OXSR1: variants seen among roughly 807,000 people sequenced by gnomAD.
OXSR1 encodes oxidative stress responsive kinase 1.
OXSR1 carries 24 observed loss-of-function variants against 79.8 expected under a neutral mutation model. The ratio of observed to expected loss-of-function variants is 0.30; its 90% confidence interval spans 0.22 to 0.42. The LOEUF is 0.42. OXSR1 is among the 10% of genes least tolerant of loss of function. The pLI is 1.00. For missense variants in OXSR1, 430 were observed against 618.4 expected, an observed-to-expected ratio of 0.70 and a Z score of 3.23; for synonymous variants, 226 against 209.2, an observed-to-expected ratio of 1.08 and a Z score of -0.69.
At chr3:38,245,476 A>G (rs974207647) in intron 12 of OXSR1, among the ~76,000 whole-genome samples, 6 of 152,226 alleles carry the variant, frequency 3.9e-5, no homozygotes, top group Non-Finnish European at 8.8e-5. Context: ...TTTGTAAGAA[A>G]TACAAAGTCC....
intron 12 of OXSR1, among the ~76,000 whole-genome samples, chr3:38,244,670 T>C (rs704958): frequency 0.89 from 132,573 of 149,714 alleles, 59,110 homozygotes; most frequent in South Asian, 0.94. Flanking sequence ...TGTGTGTGCG[T>C]GCGCATGTAC....
intron 1 of OXSR1, among the ~76,000 whole-genome samples, chr3:38,178,624 T>A (rs56971316): frequency 0.19 from 17,615 of 90,838 alleles, 738 homozygotes; most frequent in African/African-American, 0.23. Context: ...ATATATATTT[T>A]TTTTTTTTTT....
chr3:38,247,784 T>C (rs34990724), intron 14 of OXSR1, 52 bp downstream of exon 14: 62,586 of 1,158,488 alleles, frequency 0.054, 2,001 homozygotes, highest in Middle Eastern at 0.11. Context: ...ATATTCTGCA[T>C]GTGCTGTAAT....
At position 38,242,767 on chromosome 3, in the gene OXSR1, T is replaced by A. The variant is rs917553702; in HGVS notation, c.1099T>A (p.Ser367Thr). The A allele has an allele frequency of 1.8e-5, 28 of 1,557,138 alleles. No homozygotes were observed. The highest frequency in any genetic ancestry group is 2.5e-5 in the Non-Finnish European group (28 of 1,137,600). Reference protein sequence around the residue: ...LRSPRVKESISNSELFPTTDP... With the variant: ...LRSPRVKESITNSELFPTTDP... ...GTCTCCCCGAGTGAAAGAATCAATA[T>A]CAAATTCTGAGGTAAGTAATTGTGA... The change falls in exon 12 of 18, where the codon TCA becomes ACA. Residue 367 changes from serine to threonine, a missense_variant. Around this residue, in one of 3 missense-constraint regions of OXSR1, gnomAD observed 276 missense variants for 354.2 expected, o/e 0.78. Coordinates refer to ENST00000311806, the MANE Select transcript of OXSR1 (RefSeq NM_005109.3).
chr3:38,252,739 T>C (rs1575380929), intron 17 of OXSR1, 78 bp from the exon 18 acceptor site: 1 of 1,142,636 alleles, frequency 8.8e-7, no homozygotes, highest in Non-Finnish European at 1.3e-6. Context: ...ACCTTCCCAC[T>C]ATCCCATGTC....
At chr3:38,217,430 C>T (rs899655437) in intron 5 of OXSR1, among the ~76,000 whole-genome samples, 4 of 152,164 alleles carry the variant, frequency 2.6e-5, no homozygotes, top group Non-Finnish European at 5.9e-5. Flanking sequence ...CCACAGTGTT[C>T]ATAGTCATTA....
At chr3:38,168,707 T>G (rs112496173) in intron 1 of OXSR1, among the ~76,000 whole-genome samples, 12 of 152,196 alleles carry the variant, frequency 7.9e-5, no homozygotes, top group African/African-American at 2.9e-4. Context: ...CAATCACAAA[T>G]ATACTTTCTG....
At position 38,190,756 on chromosome 3, in the gene OXSR1, G is replaced by A. The variant is rs1259331334; in HGVS notation, c.209G>A (p.Cys70Tyr). 1 of 1,597,974 alleles carries A rather than the reference G, an allele frequency of 6.3e-7. No homozygotes were observed. The highest frequency in any genetic ancestry group is 1.7e-5 in the Admixed American group (1 of 59,884). ...AAAGAAATTCAAGCCATGAGTCAAT[G>A]CCATCATCCTAATATTGTATCTTAC... ...LLKEIQAMSQCHHPNIVSYYT... is the reference protein window; with the variant it reads ...LLKEIQAMSQYHHPNIVSYYT... The change falls in exon 3 of 18, where the codon TGC becomes TAC. Residue 70 changes from cysteine to tyrosine, a missense_variant. Around this residue, in one of 3 missense-constraint regions of OXSR1, gnomAD observed 145 missense variants for 228.3 expected, o/e 0.64. Transcript: ENST00000311806.
upstream of OXSR1, chr3:38,165,523 A>C (rs952032086): frequency 6.2e-5 from 15 of 242,936 alleles, no homozygotes; most frequent in African/African-American, 4.6e-5. Context: ...AGGTGGAGGA[A>C]GAGGGGAAAG....
chr3:38,171,636 TA>T (rs1291132765), intron 1 of OXSR1, among the ~76,000 whole-genome samples: 2 of 152,116 alleles, frequency 1.3e-5, no homozygotes, highest in African/African-American at 4.8e-5. Context: ...AGGAACATAT[TA>T]AAAGCCTATA....
intron 10 of OXSR1, among the ~76,000 whole-genome samples, chr3:38,233,822 G>C (rs1217674495): frequency 6.6e-6 from 1 of 152,104 alleles, no homozygotes; most frequent in Non-Finnish European, 1.5e-5. Context: ...TGAGGCAGGA[G>C]GATCGCTTGA....
intron 3 of OXSR1, among the ~76,000 whole-genome samples, chr3:38,196,414 C>T (rs1039911946): frequency 6.6e-6 from 1 of 152,114 alleles, no homozygotes; most frequent in Non-Finnish European, 1.5e-5. Flanking sequence ...GCTTACAGGA[C>T]CAGTATCTCT....
chr3:38,172,953 C>T (rs1701610024), intron 1 of OXSR1, among the ~76,000 whole-genome samples: 2 of 152,210 alleles, frequency 1.3e-5, no homozygotes, highest in South Asian at 2.1e-4. Context: ...CTCTCCTTCT[C>T]ATAGTTGGAA....
chr3:38,248,479 C>T (rs1253887327), intron 14 of OXSR1, among the ~76,000 whole-genome samples: 3 of 152,056 alleles, frequency 2.0e-5, no homozygotes, highest in Admixed American at 6.5e-5. Context: ...TAAAGTATCA[C>T]TTGAGGCAAC....
chr3:38,166,378 G>A (rs1559495956), intron 1 of OXSR1, among the ~76,000 whole-genome samples: 1 of 152,146 alleles, frequency 6.6e-6, no homozygotes, highest in Non-Finnish European at 1.5e-5. Context: ...CCGTGCTGGG[G>A]CGAACTGGGG....
intron 4 of OXSR1, among the ~76,000 whole-genome samples, chr3:38,207,236 G>T (rs1271197546): frequency 1.3e-5 from 2 of 152,224 alleles, no homozygotes; most frequent in Non-Finnish European, 2.9e-5. Flanking sequence ...GATTCAGTTT[G>T]TGGACTGTAG....
At chr3:38,202,418 C>T (rs912336287) in intron 4 of OXSR1, among the ~76,000 whole-genome samples, 1 of 152,084 alleles carries the variant, frequency 6.6e-6, no homozygotes, top group Non-Finnish European at 1.5e-5. Context: ...GATTCTCTGT[C>T]ACCCAGACTG....
chr3:38,166,616 C>A (rs1701465979), intron 1 of OXSR1, among the ~76,000 whole-genome samples: 1 of 151,916 alleles, frequency 6.6e-6, no homozygotes, highest in Non-Finnish European at 1.5e-5. Flanking sequence ...TATGGTGAAA[C>A]CCCGTCTCTA....
intron 1 of OXSR1, among the ~76,000 whole-genome samples, chr3:38,175,313 A>T (rs1701656737): frequency 6.6e-6 from 1 of 151,974 alleles, no homozygotes. Flanking sequence ...TTTTTTAAAA[A>T]ATTTATTTTT....
Sources: gnomAD v4.1 joint callset for allele counts (sites outside exome capture counted in the v4.1 genomes callset) on GRCh38, gnomAD v4.1.1 for gene constraint, gnomAD v4.1.1 regional missense constraint, MANE v1.5 for transcripts, NCBI Gene and HGNC (gene_info 2026-07-23, HGNC 2026-07-21) for gene names.